FHOD3: variants seen among roughly 807,000 people sequenced by gnomAD.
FHOD3 encodes FH1/FH2 domain-containing protein 3.
A neutral mutation model predicts 173.0 loss-of-function variants in FHOD3; 90 were observed. The observed-to-expected ratio is 0.52, with a 90% CI of 0.44 to 0.62. FHOD3 has a LOEUF of 0.62. Ranked by LOEUF, FHOD3 falls within the 20% of genes least tolerant of loss-of-function variation. The probability of loss-of-function intolerance (pLI) is 0.00; values close to 1 mark genes in which losing one functional copy is unlikely to be tolerated. For missense variants in FHOD3, 1,945 were observed against 2,034.7 expected (o/e 0.96, Z 0.85); for synonymous variants, 828 against 823.0 (o/e 1.01, Z -0.10).
intron 1 of FHOD3, among the ~76,000 whole-genome samples, chr18:36,327,010 A>G (rs2044706238): frequency 6.6e-6 from 1 of 152,168 alleles, no homozygotes; most frequent in South Asian, 2.1e-4. Flanking sequence ...AACCAGACAA[A>G]AATAGGCACA....
chr18:36,626,119 G>T (rs1173723429), intron 10 of FHOD3, among the ~76,000 whole-genome samples: 2 of 152,156 alleles, frequency 1.3e-5, no homozygotes, highest in African/African-American at 4.8e-5. Flanking sequence ...TGTGGGGTTG[G>T]AAGAGTCTCG....
chr18:36,760,655 G>A lies in FHOD3; in HGVS notation c.4497G>A (p.Gln1499=). ...GSSPAPPSQP[Q]GLSYAEDAAE... is the part of the protein sequence containing the mutation. ...CTCCGGCGCCCCCAAGCCAGCCGCA[G>A]GGTCTGAGCTATGCGGAGGACGCGG... The change falls in exon 27 of 29, where the codon CAG becomes CAA. Residue 1499 remains glutamine, a synonymous_variant. Coordinates refer to ENST00000590592, the MANE Select transcript of FHOD3 (RefSeq NM_001281740.3). The A allele has an allele frequency of 6.2e-7, 1 of 1,602,898 alleles. No homozygotes were observed. The highest frequency in any genetic ancestry group is 1.1e-5 in the South Asian group (1 of 89,844).
At chr18:36,724,661 C>T (rs751161426) in intron 19 of FHOD3, among the ~76,000 whole-genome samples, 9 of 152,224 alleles carry the variant, frequency 5.9e-5, no homozygotes, top group Non-Finnish European at 8.8e-5. Context: ...AAAGGGTAAC[C>T]TCTGCCTCTC....
chr18:36,585,573 G>A (rs1460450044), intron 6 of FHOD3, among the ~76,000 whole-genome samples: 2 of 151,962 alleles, frequency 1.3e-5, no homozygotes, highest in Non-Finnish European at 2.9e-5. Context: ...TGTCCAGACA[G>A]GTCTCCAGAC....
intron 27 of FHOD3, among the ~76,000 whole-genome samples, chr18:36,765,766 A>G (rs1277177147): frequency 7.9e-5 from 12 of 152,196 alleles, no homozygotes; most frequent in Admixed American, 7.9e-4. Flanking sequence ...GCAGGTTAAT[A>G]GAAAATGTAT....
chr18:36,711,963 T>C (rs759799300), intron 18 of FHOD3, among the ~76,000 whole-genome samples: 11 of 152,114 alleles, frequency 7.2e-5, no homozygotes, highest in Non-Finnish European at 1.3e-4. Flanking sequence ...TGTGAGTCAG[T>C]GATTTAATTT....
intron 10 of FHOD3, among the ~76,000 whole-genome samples, chr18:36,632,598 T>G (rs140020460): frequency 1.8e-3 from 270 of 152,344 alleles, no homozygotes; most frequent in African/African-American, 6.2e-3. Flanking sequence ...TGGTGTCCAA[T>G]TCGTGAGTCC....
intron 3 of FHOD3, among the ~76,000 whole-genome samples, chr18:36,481,709 T>C (rs994282561): frequency 6.6e-6 from 1 of 152,214 alleles, no homozygotes; most frequent in African/African-American, 2.4e-5. Context: ...GGAATTAATG[T>C]TGGAAGCAGG....
At chr18:36,468,104 A>T (rs893208866) in intron 3 of FHOD3, among the ~76,000 whole-genome samples, 1 of 152,112 alleles carries the variant, frequency 6.6e-6, no homozygotes. Context: ...AGCTTCTGGG[A>T]GCCGAGAGGG....
intron 15 of FHOD3, among the ~76,000 whole-genome samples, chr18:36,684,747 C>T (rs540324580): frequency 3.3e-4 from 50 of 152,240 alleles, no homozygotes; most frequent in South Asian, 6.2e-4. Flanking sequence ...GTCTAGCATT[C>T]GTGTCATCGG....
chr18:36,395,316 C>CA (rs34684195), intron 3 of FHOD3, among the ~76,000 whole-genome samples: 6,966 of 133,682 alleles, frequency 0.052, 527 homozygotes, highest in African/African-American at 0.17. Flanking sequence ...GACTCCGTCT[C>CA]AAAAAAAAAA....
At chr18:36,511,357 G>GTTTTTTTT (rs760692797) in intron 4 of FHOD3, among the ~76,000 whole-genome samples, 13 of 143,564 alleles carry the variant, frequency 9.1e-5, no homozygotes, top group Admixed American at 1.4e-4. Context: ...TCTTGCCAAT[G>GTTTTTTTT]TTTTTTTTTT....
intron 3 of FHOD3, among the ~76,000 whole-genome samples, chr18:36,426,559 C>G (rs1204104605): frequency 6.6e-6 from 1 of 152,146 alleles, no homozygotes; most frequent in East Asian, 1.9e-4. Flanking sequence ...GTGTGGTGGG[C>G]TCCCCCTCCA....
At chr18:36,554,628 TATA>T (rs950320083) in intron 5 of FHOD3, among the ~76,000 whole-genome samples, 2 of 152,146 alleles carry the variant, frequency 1.3e-5, no homozygotes, top group Non-Finnish European at 2.9e-5. Context: ...GAACTTGAAG[TATA>T]ATAATAATAA....
intron 3 of FHOD3, among the ~76,000 whole-genome samples, chr18:36,480,703 G>A (rs749400645): frequency 1.3e-4 from 20 of 152,140 alleles, no homozygotes; most frequent in African/African-American, 4.1e-4. Flanking sequence ...ATAGCATTTC[G>A]TCCTTAATTT....
chr18:36,748,128 C>A (rs2042232148), intron 24 of FHOD3, among the ~76,000 whole-genome samples: 1 of 152,140 alleles, frequency 6.6e-6, no homozygotes, highest in Non-Finnish European at 1.5e-5. Context: ...GAAGCAGAAT[C>A]TTCCCTCCAG....
At chr18:36,447,077 A>T (rs1289303718) in intron 3 of FHOD3, among the ~76,000 whole-genome samples, 3 of 152,118 alleles carry the variant, frequency 2.0e-5, no homozygotes, top group Non-Finnish European at 4.4e-5. Flanking sequence ...TCTGGATTTG[A>T]GATAGATCTT....
chr18:36,651,405 C>T (rs1166547274), intron 11 of FHOD3, among the ~76,000 whole-genome samples: 2 of 152,176 alleles, frequency 1.3e-5, no homozygotes, highest in Non-Finnish European at 2.9e-5. Flanking sequence ...ACCCAGCCCC[C>T]TGAAGATGGA....
intron 17 of FHOD3, among the ~76,000 whole-genome samples, chr18:36,702,704 C>G (rs1299663271): frequency 6.6e-6 from 1 of 152,232 alleles, no homozygotes; most frequent in African/African-American, 2.4e-5. Context: ...ACCAATTTAT[C>G]ACTTCAAAGA....
Sources: allele counts gnomAD v4.1 joint callset (sites outside exome capture counted in the v4.1 genomes callset), GRCh38; gene constraint gnomAD v4.1.1; transcripts MANE v1.5; gene names NCBI Gene and HGNC (gene_info 2026-07-23, HGNC 2026-07-21).